Variants in HIP1 observed in about 807,000 individuals in gnomAD.
The protein encoded by HIP1 is huntingtin interacting protein 1.
Under a neutral mutation model 147.6 loss-of-function variants are expected in HIP1, and 65 were observed. That is an observed-to-expected ratio of 0.44 (90% CI 0.36 to 0.54). The LOEUF is 0.54. Among genes scored for constraint, HIP1 ranks in the 20% least tolerant of loss-of-function variants. The probability of loss-of-function intolerance (pLI) is 0.00; values close to 1 mark genes in which losing one functional copy is unlikely to be tolerated. For synonymous variants in HIP1, 479 were observed against 504.0 expected (o/e 0.95, Z 0.67); for missense variants, 1,061 against 1,299.6 (o/e 0.82, Z 2.82).
At chr7:75,589,706 AAAAAAAAAAGAC>A (rs1796419693) in intron 4 of HIP1, among the ~76,000 whole-genome samples, 1 of 117,598 alleles carries the variant, frequency 8.5e-6, no homozygotes, top group Non-Finnish European at 1.7e-5. Flanking sequence ...AAAAAAAAAA[AAAAAAAAAAGAC>A]TTTTTTTTTG....
At chr7:75,623,883 A>G (rs1376975926) in intron 1 of HIP1, among the ~76,000 whole-genome samples, 1 of 152,180 alleles carries the variant, frequency 6.6e-6, no homozygotes, top group Non-Finnish European at 1.5e-5. Flanking sequence ...CCTGGGGAGT[A>G]GTGAGACCCT....
chr7:75,560,790 C>A (rs139134137), intron 13 of HIP1, among the ~76,000 whole-genome samples: 54 of 152,090 alleles, frequency 3.6e-4, no homozygotes, highest in African/African-American at 1.2e-3. Context: ...ACACAGGTCT[C>A]GCTATGTTGC....
chr7:75,685,099 T>A (rs1231917037), intron 1 of HIP1, among the ~76,000 whole-genome samples: 1 of 150,858 alleles, frequency 6.6e-6, no homozygotes, highest in Non-Finnish European at 1.5e-5. Context: ...TCAAAAAAAA[T>A]AAATAAATAA....
intron 1 of HIP1, among the ~76,000 whole-genome samples, chr7:75,708,966 A>G (rs1801081054): frequency 6.6e-6 from 1 of 152,066 alleles, no homozygotes; most frequent in African/African-American, 2.4e-5. Context: ...ACAATATTAA[A>G]TCTTCCAATC....
intron 27 of HIP1, among the ~76,000 whole-genome samples, chr7:75,543,932 G>A (rs587651576): frequency 1.2e-4 from 18 of 152,250 alleles, no homozygotes; most frequent in African/African-American, 4.3e-4. Context: ...CAGCACTTTG[G>A]GAGGCTGAGG....
intron 8 of HIP1, among the ~76,000 whole-genome samples, chr7:75,571,042 A>C (rs1795611694): frequency 6.6e-6 from 1 of 152,060 alleles, no homozygotes; most frequent in Non-Finnish European, 1.5e-5. Context: ...AGTAAATTAA[A>C]AAACTATGTA....
intron 8 of HIP1, among the ~76,000 whole-genome samples, chr7:75,573,174 C>T (rs1554496997): frequency 6.6e-6 from 1 of 152,188 alleles, no homozygotes; most frequent in Non-Finnish European, 1.5e-5. Context: ...GGCCTGAGCT[C>T]AGCCAGAGCT....
At chr7:75,557,907 G>C in intron 15 of HIP1, 137 bp from the exon 16 acceptor site, 1 of 709,890 alleles carries the variant, frequency 1.4e-6, no homozygotes, top group Non-Finnish European at 2.5e-6. Context: ...AGCCGGAACA[G>C]AGCCATCACC....
Position 75,545,178 on chromosome 7 carries a change from G to A in HIP1, c.2570C>T (p.Ser857Phe). The A allele has an allele frequency of 6.3e-7, 1 of 1,598,526 alleles. No homozygotes were observed. Among genetic ancestry groups the A allele is most frequent in the Non-Finnish European group, 8.6e-7 (1 of 1,166,918 alleles). The change falls in exon 26 of 31, where the codon TCC becomes TTC. Residue 857 changes from serine to phenylalanine, a missense_variant. Around this residue, in one of 3 missense-constraint regions of HIP1, gnomAD observed 810 missense variants for 946.8 expected, o/e 0.86. Transcript: ENST00000336926. ...GTTCTTGGCATAAAACTCTTTAGGGGATGCTGTACCCTAGGGAAATAAAAA... is the reference window on the plus strand; with the variant it reads ...GTTCTTGGCATAAAACTCTTTAGGGAATGCTGTACCCTAGGGAAATAAAAA... ...EIVESGRGTA[S>F]PKEFYAKNSR... is the part of the protein sequence containing the mutation.
intron 1 of HIP1, among the ~76,000 whole-genome samples, chr7:75,605,983 G>A (rs2117036089): frequency 6.6e-6 from 1 of 152,170 alleles, no homozygotes; most frequent in East Asian, 1.9e-4. Flanking sequence ...CTGAGTAGCT[G>A]GGACCACAGG....
rs1554488792 is a variant in HIP1 at position 75,536,917 on chromosome 7, A to G, written c.*1255T>C. The G allele has an allele frequency of 4.3e-6, 1 of 231,194 alleles. No homozygotes were observed. The highest frequency in any genetic ancestry group is 2.2e-5 in the African/African-American group (1 of 45,232). The allele number at this position is 231,194 out of a possible 1,614,324, so 14.3% of individuals were successfully genotyped here. ...AATAAATACTAAGGGTAGCAAACCA[A>G]GTATAGGGTTCTTCCCTGATGGGAG... On this transcript the variant is annotated 3_prime_UTR_variant, in exon 31 of 31. Transcript: ENST00000336926.
At chr7:75,640,751 TC>T in intron 1 of HIP1, among the ~76,000 whole-genome samples, 2 of 93,604 alleles carry the variant, frequency 2.1e-5, no homozygotes, top group African/African-American at 7.9e-5. Flanking sequence ...AGACTCCATC[TC>T]AATAATAATA....
At chr7:75,693,773 AAGGGAGGGAGGG>A (rs781904253) in intron 1 of HIP1, among the ~76,000 whole-genome samples, 2 of 137,996 alleles carry the variant, frequency 1.4e-5, no homozygotes, top group Admixed American at 7.2e-5. Context: ...TACTCGGGGG[AAGGGAGGGAGGG>A]AGGGAGGGGG....
At chr7:75,611,055 G>A (rs890402272) in intron 1 of HIP1, among the ~76,000 whole-genome samples, 2 of 147,906 alleles carry the variant, frequency 1.4e-5, no homozygotes, top group African/African-American at 5.1e-5. Context: ...ACAGGTGCCC[G>A]CCACCATGTC....
chr7:75,554,059 A>T, intron 21 of HIP1, 54 bp downstream of exon 21: 2 of 1,397,224 alleles, frequency 1.4e-6, no homozygotes, highest in South Asian at 1.2e-5. Flanking sequence ...AGAGACTTTT[A>T]AAGGCCCCCT....
At position 75,583,452 on chromosome 7, in the gene HIP1, TAG is replaced by T. The variant is rs782249685; in HGVS notation, c.466-1303_466-1302del. Reference sequence around the variant, plus strand: ...ACCATGCACTGGGTGGCTTAACCCATAGAGAGTGTCTTTCAGTTCTCGAGGCC... The same window carrying T: ...ACCATGCACTGGGTGGCTTAACCCATAGAGTGTCTTTCAGTTCTCGAGGCC... On this transcript the variant is annotated intron_variant, in intron 5 of 30. Coordinates refer to ENST00000336926, the MANE Select transcript of HIP1 (RefSeq NM_005338.7). Among the ~76,000 whole-genome samples, 17 of 152,220 alleles carry T rather than the reference TAG, an allele frequency of 1.1e-4. No homozygotes were observed. The South Asian group carries it at 2.7e-3, about 24-fold the overall frequency.
chr7:75,619,333 G>A (rs1246004127), intron 1 of HIP1, among the ~76,000 whole-genome samples: 1 of 152,022 alleles, frequency 6.6e-6, no homozygotes, highest in Non-Finnish European at 1.5e-5. Flanking sequence ...GACCAGCCTG[G>A]CCAACATGGT....
At chr7:75,604,329 C>A (rs17352471) in intron 1 of HIP1, among the ~76,000 whole-genome samples, 22,590 of 152,146 alleles carry the variant, frequency 0.15, 2,058 homozygotes, top group Middle Eastern at 0.27. Flanking sequence ...TTGGGAAGGC[C>A]TGTAAGGAAT....
At position 75,580,725 on chromosome 7, in the gene HIP1, T is replaced by C. The variant is rs113377060; in HGVS notation, c.604+512A>G. Among the ~76,000 whole-genome samples, 126 of 151,816 alleles carry C rather than the reference T, an allele frequency of 8.3e-4. 1 individual carries two copies. The highest frequency in any genetic ancestry group is 2.8e-3 in the African/African-American group (115 of 41,444). On this transcript the variant is annotated intron_variant, in intron 7 of 30. Transcript: ENST00000336926. ...CTGCAATCCAGCCTGGGCGACAGAGTGAGACCTTCTCTCTCTCTCTCTCTT... is the reference window on the plus strand; with the variant it reads ...CTGCAATCCAGCCTGGGCGACAGAGCGAGACCTTCTCTCTCTCTCTCTCTT...
Sources: gnomAD v4.1 joint callset for allele counts (sites outside exome capture counted in the v4.1 genomes callset) on GRCh38, gnomAD v4.1.1 for gene constraint, gnomAD v4.1.1 regional missense constraint, MANE v1.5 for transcripts, NCBI Gene and HGNC (gene_info 2026-07-23, HGNC 2026-07-21) for gene names.